Variants in CPNE3 observed in about 807,000 individuals in gnomAD.
CPNE3 encodes the protein copine 3, also known as copine-3.
A neutral mutation model predicts 63.9 loss-of-function variants in CPNE3; 68 were observed. That is an observed-to-expected ratio of 1.06 (90% CI 0.87 to 1.30). CPNE3 has a LOEUF of 1.30. Ranked by LOEUF, CPNE3 falls within the 50% of genes most tolerant of loss-of-function variation. CPNE3 has a pLI of 0.00. For missense variants in CPNE3, 665 were observed against 578.1 expected (o/e 1.15, Z -1.54); for synonymous variants, 219 against 197.5 (o/e 1.11, Z -0.91).
At chr8:86,539,847 T>G (rs1820891748) in intron 7 of CPNE3, among the ~76,000 whole-genome samples, 1 of 151,922 alleles carries the variant, frequency 6.6e-6, no homozygotes, top group Non-Finnish European at 1.5e-5. Context: ...ATTTTTTTAG[T>G]AGAGACAGGT....
chr8:86,554,968 A>G lies in CPNE3; in HGVS notation c.1238A>G (p.Gln413Arg), dbSNP rs758974963. 6.2e-7 allele frequency: 1 copy of G among 1,614,168 alleles called. No individual in the cohort carries two copies. Among genetic ancestry groups the G allele is most frequent in the African/African-American group, 1.3e-5 (1 of 75,056 alleles). ...GCCAGGTTTGCTGCTGCAGCCACGCAACAGCAGACAGCTTCTGTAAGTGCT... is the reference window on the plus strand; with the variant it reads ...GCCAGGTTTGCTGCTGCAGCCACGCGACAGCAGACAGCTTCTGTAAGTGCT... ...HVARFAAAAT[Q>R]QQTASQYFVL... The change falls in exon 15 of 17, where the codon CAA (glutamine) becomes CGA (arginine). Residue 413 changes from glutamine (Q) to arginine (R), a missense_variant. Transcript: ENST00000517490.
intron 2 of CPNE3, among the ~76,000 whole-genome samples, chr8:86,516,865 A>G (rs917780049): frequency 2.0e-5 from 3 of 152,234 alleles, no homozygotes; most frequent in Non-Finnish European, 4.4e-5. Context: ...CAAAACTATA[A>G]AAGTTAATGT....
At chr8:86,552,456 T>C (rs1338020501) in intron 14 of CPNE3, among the ~76,000 whole-genome samples, 1 of 152,198 alleles carries the variant, frequency 6.6e-6, no homozygotes, top group Non-Finnish European at 1.5e-5. Context: ...ATCTTTAGAA[T>C]TTGTTGTAAT....
At chr8:86,540,910 G>A (rs1033944638) in intron 8 of CPNE3, among the ~76,000 whole-genome samples, 45 of 152,072 alleles carry the variant, frequency 3.0e-4, no homozygotes, top group African/African-American at 1.0e-3. Flanking sequence ...TTATTCATAG[G>A]CATTTATTTA....
At chr8:86,556,894 A>T (rs1821337745) in intron 16 of CPNE3, among the ~76,000 whole-genome samples, 1 of 152,200 alleles carries the variant, frequency 6.6e-6, no homozygotes, top group Admixed American at 6.5e-5. Flanking sequence ...TTTCAAGAAT[A>T]TCATATAAAT....
chr8:86,514,610 A>AT (rs1563680645), intron 1 of CPNE3, 69 bp downstream of exon 1: 1 of 152,132 alleles, frequency 6.6e-6, no homozygotes, highest in Non-Finnish European at 1.5e-5. Flanking sequence ...CGCCCGGGGG[A>AT]AAAGGAAAGT....
Position 86,547,712 on chromosome 8 carries a change from TTACAG to T in CPNE3, c.824_828del (p.Thr275ArgfsTer6), listed in dbSNP as rs1821084459. The stretch of plus-strand genomic sequence containing the variant: ...TTTTAAGTTTTCTCTTATTTTTAGA[TTACAG>T]TAGAATGCACATTCCTTGACTATAT... On this transcript the variant is annotated frameshift_variant and splice_region_variant, in exon 11 of 17. Coordinates refer to ENST00000517490, the MANE Select transcript of CPNE3 (RefSeq NM_003909.5). LOFTEE classifies it high-confidence loss of function. 1 of 1,224,858 alleles carries T rather than the reference TTACAG, an allele frequency of 8.2e-7. No homozygotes were observed. Among genetic ancestry groups the T allele is most frequent in the African/African-American group, 1.5e-5 (1 of 67,608 alleles). The allele number at this position is 1,224,858 out of a possible 1,614,324, so 75.9% of individuals were successfully genotyped here.
Position 86,547,752 on chromosome 8 carries a change from A to T in CPNE3, c.861A>T (p.Gly287=). 1 of 1,368,770 alleles carries T rather than the reference A, an allele frequency of 7.3e-7. No individual in the cohort carries two copies. The highest frequency in any genetic ancestry group is 1.0e-6 in the Non-Finnish European group (1 of 960,372). 84.8% of individuals were successfully genotyped at this position (1,368,770 alleles called of 1,614,324 possible). A position where few individuals can be genotyped will look rare whatever the true frequency, so the allele number is the denominator to read the frequency against. Residue 287 remains glycine, a synonymous_variant, in exon 11 of 17, where the codon GGA becomes GGT. Transcript: ENST00000517490. The stretch of plus-strand genomic sequence containing the variant: ...CATTCCTTGACTATATAATGGGAGG[A>T]TGTCAGCTGAATTTTACTGTAAGTA... The part of the protein sequence containing the change: ...ECTFLDYIMG[G]CQLNFTVGVD...
chr8:86,536,161 T>C (rs1447016944), intron 6 of CPNE3, among the ~76,000 whole-genome samples: 1 of 151,740 alleles, frequency 6.6e-6, no homozygotes, highest in African/African-American at 2.4e-5. Context: ...TTTTATAATT[T>C]AATCATTCTG....
intron 16 of CPNE3, among the ~76,000 whole-genome samples, chr8:86,556,575 T>C (rs1821331074): frequency 6.6e-6 from 1 of 152,284 alleles, no homozygotes; most frequent in African/African-American, 2.4e-5. Context: ...TCAAGTATTT[T>C]ATCTTTACCT....
intron 5 of CPNE3, 97 bp from the exon 6 acceptor site, chr8:86,532,412 T>C (rs1820703014): frequency 1.3e-6 from 1 of 764,396 alleles, no homozygotes; most frequent in South Asian, 2.4e-5. Flanking sequence ...TTTATATTAG[T>C]GTAGGCTTTA....
intron 2 of CPNE3, among the ~76,000 whole-genome samples, chr8:86,525,574 GT>G (rs1443828893): frequency 6.6e-6 from 1 of 152,180 alleles, no homozygotes; most frequent in Non-Finnish European, 1.5e-5. Context: ...TCAGCAATTG[GT>G]TAAATAATCA....
chr8:86,544,530 C>A (rs1041528797), intron 8 of CPNE3, among the ~76,000 whole-genome samples: 5 of 151,966 alleles, frequency 3.3e-5, no homozygotes, highest in Non-Finnish European at 7.4e-5. Flanking sequence ...ATCTTAGATC[C>A]CCATCCCAAG....
At chr8:86,542,073 T>C (rs925995758) in intron 8 of CPNE3, among the ~76,000 whole-genome samples, 9 of 152,356 alleles carry the variant, frequency 5.9e-5, no homozygotes, top group African/African-American at 2.2e-4. Context: ...TATTTTATTA[T>C]AGTAAGTAAA....
chr8:86,546,433 A>C (rs773321530), intron 9 of CPNE3, among the ~76,000 whole-genome samples, 162 bp from the exon 10 acceptor site: 14 of 152,196 alleles, frequency 9.2e-5, no homozygotes, highest in Non-Finnish European at 1.8e-4. Context: ...AATATTCCAC[A>C]TACTTAACAT....
At chr8:86,538,682 C>T (rs1007278473) in intron 7 of CPNE3, among the ~76,000 whole-genome samples, 5 of 152,086 alleles carry the variant, frequency 3.3e-5, no homozygotes, top group Non-Finnish European at 7.4e-5. Flanking sequence ...CCAGAATGTC[C>T]AACATTCTGG....
intron 2 of CPNE3, among the ~76,000 whole-genome samples, chr8:86,522,860 T>A (rs1281678149): frequency 6.6e-6 from 1 of 152,152 alleles, no homozygotes; most frequent in Admixed American, 6.5e-5. Context: ...GGCACCGACT[T>A]CTCCTTCACA....
chr8:86,554,844 G>T lies in CPNE3; in HGVS notation c.1121-7G>T, dbSNP rs1821279245. ...AGTACTGTTTTTTATTTGTTTGTTTGTTCTAGGAATCCAAGGCATTGTAGA... is the reference window on the plus strand; with the variant it reads ...AGTACTGTTTTTTATTTGTTTGTTTTTTCTAGGAATCCAAGGCATTGTAGA... On this transcript the variant is annotated splice_polypyrimidine_tract_variant and splice_region_variant and intron_variant, in intron 14 of 16. Transcript: ENST00000517490. 6.2e-7 allele frequency: 1 copy of T among 1,611,340 alleles called. No individual in the cohort carries two copies. Among genetic ancestry groups the T allele is most frequent in the Non-Finnish European group, 8.5e-7 (1 of 1,178,664 alleles).
chr8:86,554,792 A>G (rs957660488), intron 14 of CPNE3, 59 bp from the exon 15 acceptor site: 31 of 1,590,152 alleles, frequency 1.9e-5, no homozygotes, highest in African/African-American at 2.7e-5. Context: ...AGTATTGTGA[A>G]TAAACACATT....
Sources: allele counts gnomAD v4.1 joint callset (sites outside exome capture counted in the v4.1 genomes callset), GRCh38; gene constraint gnomAD v4.1.1; transcripts MANE v1.5; gene names NCBI Gene and HGNC (gene_info 2026-07-23, HGNC 2026-07-21).